LRRC27: variants seen among roughly 807,000 people sequenced by gnomAD.
The protein encoded by LRRC27 is leucine-rich repeat-containing protein 27.
LRRC27 carries 57 observed loss-of-function variants against 55.0 expected under a neutral mutation model. The ratio of observed to expected loss-of-function variants is 1.04; its 90% CI spans 0.84 to 1.29. The LOEUF (loss-of-function observed/expected upper bound fraction) is 1.29, where lower values mean the gene tolerates loss of function less well. Ranked by LOEUF, LRRC27 falls within the 50% of genes most tolerant of loss-of-function variation. LRRC27 has a pLI of 0.00. For synonymous variants in LRRC27, 278 were observed against 251.9 expected, an observed-to-expected ratio of 1.10 and a Z score of -0.98; for missense variants, 721 against 651.5, an observed-to-expected ratio of 1.11 and a Z score of -1.16.
Position 132,365,326 on chromosome 10 carries a change from G to A in LRRC27, c.1290-98G>A, listed in dbSNP as rs1312912838. The A allele has an allele frequency of 5.9e-6, 9 of 1,527,630 alleles. No individual in the cohort carries two copies. The East Asian group carries it at 2.1e-4, about 35-fold the overall frequency. The allele number at this position is 1,527,630 out of a possible 1,614,324, so 94.6% of individuals were successfully genotyped here. ...AGCCTCAGGACCGCTGTTTGGTCTG[G>A]GAAGAAAGGCACATGCTTTCTCCCT... On this transcript the variant is annotated intron_variant, in intron 9 of 10. Transcript: ENST00000368614.
In LRRC27 at chr10:132,353,083, C is replaced by T. The variant is rs1028866325; in HGVS notation, c.1073+1330C>T. The T allele has an allele frequency of 1.6e-5, 25 of 1,517,536 alleles. No homozygotes were observed. In the African/African-American group the frequency reaches 2.1e-4, roughly 13 times the overall value. 94.0% of individuals were successfully genotyped at this position (1,517,536 alleles called of 1,614,324 possible). ...CACCCCTCCCTGGGCCCCAGGAGTCCGGCTGGCATGGACCACAGCCACAGC... is the reference window on the plus strand; with the variant it reads ...CACCCCTCCCTGGGCCCCAGGAGTCTGGCTGGCATGGACCACAGCCACAGC... On this transcript the variant is annotated intron_variant, in intron 7 of 10. Transcript: ENST00000368614.
intron 2 of LRRC27, among the ~76,000 whole-genome samples, chr10:132,334,228 T>G (rs2067004883): frequency 6.6e-6 from 1 of 152,240 alleles, no homozygotes; most frequent in Admixed American, 6.5e-5. Flanking sequence ...GGTTTGATGT[T>G]AGACAGTTGA....
upstream of LRRC27, chr10:132,331,672 C>T (rs986985992): frequency 5.6e-6 from 9 of 1,612,696 alleles, no homozygotes; most frequent in African/African-American, 5.3e-5. Flanking sequence ...TTCTTTTCTG[C>T]TCGGCTGTCC....
At chr10:132,354,512 G>GCTGGGGC (rs1408824750) in intron 7 of LRRC27, among the ~76,000 whole-genome samples, 1 of 152,190 alleles carries the variant, frequency 6.6e-6, no homozygotes, top group Admixed American at 6.5e-5. Context: ...GGGGCTGGGG[G>GCTGGGGC]CTGGGACACA....
Position 132,375,787 on chromosome 10 carries a change from A to C in LRRC27, c.*545A>C, listed in dbSNP as rs2069330606. On this transcript the variant is annotated 3_prime_UTR_variant, in exon 11 of 11. Coordinates refer to ENST00000368614, the MANE Select transcript of LRRC27 (RefSeq NM_030626.3). ...CCTTTCCCCTGCTCCCTGCCCAGCT[A>C]CGGGGCCCTCCTTTCAGCCTTGACC... is the stretch of plus-strand genomic sequence containing the variant. 6.6e-6 allele frequency: 1 copy of C among 152,664 alleles called. No homozygotes were observed. Among genetic ancestry groups the C allele is most frequent in the African/African-American group, 2.4e-5 (1 of 41,376 alleles). The allele number at this position is 152,664 out of a possible 1,614,324, so 9.5% of individuals were successfully genotyped here.
In LRRC27 at chr10:132,374,753, A is replaced by C. The variant is rs141715794; in HGVS notation, c.1417-313A>C. On this transcript the variant is annotated intron_variant, in intron 10 of 10. Transcript: ENST00000368614. The surrounding 1 kb of genome is among the most constrained non-coding windows in gnomAD (Gnocchi z 4.4). Reference sequence around the variant, plus strand: ...CGATGCCCTGAGTCTCTGTTCATCCATTGACCTGTGCAGATGCACAGGACA... The same window carrying C: ...CGATGCCCTGAGTCTCTGTTCATCCCTTGACCTGTGCAGATGCACAGGACA... Among the ~76,000 whole-genome samples, 1 of 152,118 alleles carries C rather than the reference A, an allele frequency of 6.6e-6. No individual in the cohort carries two copies. Among genetic ancestry groups the C allele is most frequent in the Non-Finnish European group, 1.5e-5 (1 of 68,002 alleles).
At chr10:132,368,466 T>C (rs1049437689) in intron 10 of LRRC27, among the ~76,000 whole-genome samples, 1 of 152,064 alleles carries the variant, frequency 6.6e-6, no homozygotes, top group African/African-American at 2.4e-5. Flanking sequence ...GTCAAAAGAA[T>C]AGACAAATAG....
At chr10:132,365,292 C>T in intron 9 of LRRC27, 132 bp from the exon 10 acceptor site, 1 of 1,231,176 alleles carries the variant, frequency 8.1e-7, no homozygotes, top group Non-Finnish European at 1.2e-6. Flanking sequence ...ACTGGCACAG[C>T]TGTGCGGGAG....
rs536247299 is a variant in LRRC27 at position 132,363,706 on chromosome 10, AGGGCCT to A, written c.1290-1715_1290-1710del. Among the ~76,000 whole-genome samples the A allele has an allele frequency of 7.7e-4, 117 of 152,174 alleles. No homozygotes were observed. In the East Asian group the frequency reaches 9.5e-3, roughly 12 times the overall value. On this transcript the variant is annotated intron_variant, in intron 9 of 10. Transcript: ENST00000368614. Reference sequence around the variant, plus strand: ...CGTGGGGCCTGAGCTTGGAAGGCCCAGGGCCTGGCCCCGGCCCTGCTGCTCAGCGTA... The same window carrying A: ...CGTGGGGCCTGAGCTTGGAAGGCCCAGGCCCCGGCCCTGCTGCTCAGCGTA...
intron 7 of LRRC27, among the ~76,000 whole-genome samples, chr10:132,354,857 GT>G (rs1446280371): frequency 6.6e-6 from 1 of 152,234 alleles, no homozygotes; most frequent in Non-Finnish European, 1.5e-5. Context: ...AACCACAGGA[GT>G]CCTGCAGGCT....
chr10:132,359,976 G>A (rs1375472585), intron 8 of LRRC27, among the ~76,000 whole-genome samples: 1 of 152,170 alleles, frequency 6.6e-6, no homozygotes, highest in Admixed American at 6.5e-5. Flanking sequence ...GTTCGAAAAA[G>A]TCTTCCTTCT....
In LRRC27 at chr10:132,364,560, T is replaced by C. The variant is rs865989631; in HGVS notation, c.1290-864T>C. 5.1e-3 allele frequency among the ~76,000 whole-genome samples: 72 copies of C among 14,116 alleles called. 5 individuals carry two copies. Among genetic ancestry groups the C allele is most frequent in the South Asian group, 0.017 (6 of 360 alleles). The allele number at this position is 14,116 out of a possible 152,430, so 9.3% of individuals were successfully genotyped here. A position where few individuals can be genotyped will look rare whatever the true frequency, so the allele number is the denominator to read the frequency against. The stretch of plus-strand genomic sequence containing the variant: ...TTAAATCTACCTCCACACCCACACT[T>C]ACACCCACGTCCACACCCTGGGGCC... On this transcript the variant is annotated intron_variant, in intron 9 of 10. Coordinates refer to ENST00000368614, the MANE Select transcript of LRRC27 (RefSeq NM_030626.3).
chr10:132,370,230 T>A (rs1377551570), intron 10 of LRRC27, among the ~76,000 whole-genome samples: 2 of 152,174 alleles, frequency 1.3e-5, no homozygotes, highest in African/African-American at 4.8e-5. Flanking sequence ...TTAAAAAAAA[T>A]TCATGTGAAG....
intron 2 of LRRC27, among the ~76,000 whole-genome samples, chr10:132,336,040 G>A (rs1361757487): frequency 6.6e-6 from 1 of 152,162 alleles, no homozygotes; most frequent in Non-Finnish European, 1.5e-5. Flanking sequence ...ACTTTGTCTT[G>A]GAAATGGACC....
At chr10:132,356,678 C>T (rs1315434971) in intron 8 of LRRC27, among the ~76,000 whole-genome samples, 2 of 152,256 alleles carry the variant, frequency 1.3e-5, no homozygotes, top group East Asian at 3.8e-4. Context: ...ACAGTCCTCT[C>T]TTCCCATTTT....
chr10:132,343,459 CAGAG>C (rs1243515024), intron 4 of LRRC27, among the ~76,000 whole-genome samples: 2 of 152,162 alleles, frequency 1.3e-5, no homozygotes, highest in African/African-American at 4.8e-5. Context: ...CTTCAAAGAA[CAGAG>C]AGAGAATTTA....
At position 132,348,059 on chromosome 10, in the gene LRRC27, C is replaced by T; in HGVS notation, c.629C>T (p.Ser210Phe). Residue 210 changes from serine (S) to phenylalanine (F), a missense_variant, in exon 6 of 11, where the codon TCT becomes TTT. Ser to Phe is a radical substitution (Grantham distance 155). Transcript: ENST00000368614. This position sits in a 1 kb window ranked among gnomAD's most constrained non-coding sequence, Gnocchi z 4.2. Reference protein sequence around the residue: ...PGLELSGDHASNQGAVNAQDP... With the variant: ...PGLELSGDHAFNQGAVNAQDP... ...CTGGAGTTGTCTGGAGACCACGCGT[C>T]TAACCAAGGAGCTGTGAACGCTCAG... The T allele has an allele frequency of 6.2e-7, 1 of 1,614,028 alleles. No homozygotes were observed. Among genetic ancestry groups the T allele is most frequent in the Non-Finnish European group, 8.5e-7 (1 of 1,180,042 alleles).
intron 8 of LRRC27, among the ~76,000 whole-genome samples, chr10:132,360,817 C>T (rs1382803040): frequency 1.3e-5 from 2 of 152,224 alleles, no homozygotes; most frequent in Non-Finnish European, 2.9e-5. Flanking sequence ...CCAGGGTTCC[C>T]TCCTACCTGT....
chr10:132,360,076 T>C (rs2068540320), intron 8 of LRRC27, among the ~76,000 whole-genome samples: 5 of 152,180 alleles, frequency 3.3e-5, no homozygotes, highest in Admixed American at 3.3e-4. Context: ...ATTAAGTGTC[T>C]GATTTTAAAA....
Sources: gnomAD v4.1 joint callset for allele counts (sites outside exome capture counted in the v4.1 genomes callset) on GRCh38, gnomAD v4.1.1 for gene constraint, Gnocchi (gnomAD v3.1) non-coding constraint, MANE v1.5 for transcripts, NCBI Gene and HGNC (gene_info 2026-07-23, HGNC 2026-07-21) for gene names.